The following MAN2A1 variants were observed in gnomAD, a reference collection of about 807,000 sequenced individuals.
MAN2A1 encodes the protein alpha-mannosidase 2.
MAN2A1 carries 76 observed loss-of-function variants against 142.6 expected under a neutral mutation model. The observed-to-expected ratio is 0.53, with a 90% CI of 0.44 to 0.65. The LOEUF (loss-of-function observed/expected upper bound fraction) is 0.65. Ranked by LOEUF, MAN2A1 falls within the 30% of genes least tolerant of loss-of-function variation. The pLI, the probability that MAN2A1 is intolerant of heterozygous loss-of-function variation, is 0.00. For synonymous variants in MAN2A1, 559 were observed against 473.2 expected (o/e 1.18, Z -2.35); for missense variants, 1,311 against 1,365.1 (o/e 0.96, Z 0.62).
chr5:109,706,710 G>A (rs1751143705), intron 1 of MAN2A1, among the ~76,000 whole-genome samples: 1 of 151,942 alleles, frequency 6.6e-6, no homozygotes, highest in South Asian at 2.1e-4. Flanking sequence ...AACTTGATGT[G>A]TTGGAGTGAT....
intron 4 of MAN2A1, among the ~76,000 whole-genome samples, chr5:109,739,539 T>C (rs11746187): frequency 0.085 from 12,877 of 152,252 alleles, 638 homozygotes; most frequent in African/African-American, 0.15. Flanking sequence ...TTGAGTCTTT[T>C]CTGGCTTTGA....
intron 1 of MAN2A1, among the ~76,000 whole-genome samples, chr5:109,692,663 A>G (rs1199929962): frequency 6.6e-6 from 1 of 152,162 alleles, no homozygotes; most frequent in East Asian, 1.9e-4. Flanking sequence ...CCTCTTAGGA[A>G]TCTGTTGCCT....
chr5:109,716,318 A>G, intron 3 of MAN2A1, 54 bp downstream of exon 3: 2 of 1,485,952 alleles, frequency 1.3e-6, no homozygotes, highest in South Asian at 2.6e-5. Flanking sequence ...TTAGGCCTAG[A>G]GTCTTTTAAT....
At chr5:109,734,111 A>T (rs1752009590) in intron 4 of MAN2A1, among the ~76,000 whole-genome samples, 1 of 152,004 alleles carries the variant, frequency 6.6e-6, no homozygotes, top group South Asian at 2.1e-4. Context: ...GTGTCCAGGA[A>T]TTTATCCATT....
chr5:109,779,683 A>G (rs1333366367), intron 8 of MAN2A1, among the ~76,000 whole-genome samples: 1 of 152,088 alleles, frequency 6.6e-6, no homozygotes, highest in Non-Finnish European at 1.5e-5. Flanking sequence ...AAATTGCTTA[A>G]AGTACTTTAT....
intron 6 of MAN2A1, among the ~76,000 whole-genome samples, chr5:109,768,197 C>T (rs1203093720): frequency 6.6e-6 from 1 of 151,866 alleles, no homozygotes; most frequent in Non-Finnish European, 1.5e-5. Flanking sequence ...TGTGGCCACG[C>T]AGGCATTCTA....
chr5:109,819,247 G>T (rs1212758888), intron 13 of MAN2A1, among the ~76,000 whole-genome samples: 1 of 152,002 alleles, frequency 6.6e-6, no homozygotes, highest in Non-Finnish European at 1.5e-5. Context: ...GCTAAGCTAT[G>T]ATTTTGGATA....
chr5:109,809,405 C>T (rs912436915), intron 12 of MAN2A1, among the ~76,000 whole-genome samples: 2 of 152,014 alleles, frequency 1.3e-5, no homozygotes, highest in African/African-American at 2.4e-5. Context: ...TTTCTTTCTG[C>T]CTGAAGACTT....
At chr5:109,780,251 G>A (rs1236527224) in intron 8 of MAN2A1, among the ~76,000 whole-genome samples, 3 of 151,792 alleles carry the variant, frequency 2.0e-5, no homozygotes, top group South Asian at 2.1e-4. Context: ...TAGTAGAGAC[G>A]GGGTTTACTG....
chr5:109,774,536 A>AT (rs1181579092), intron 7 of MAN2A1, among the ~76,000 whole-genome samples: 2 of 152,134 alleles, frequency 1.3e-5, no homozygotes, highest in African/African-American at 4.8e-5. Flanking sequence ...AAGATAATCC[A>AT]TTGGAAACCT....
intron 12 of MAN2A1, among the ~76,000 whole-genome samples, chr5:109,801,722 T>G (rs1754037251): frequency 6.6e-6 from 1 of 152,178 alleles, no homozygotes; most frequent in African/African-American, 2.4e-5. Flanking sequence ...CAGTAATGGT[T>G]GTTAGAAATG....
chr5:109,729,773 AC>A (rs765591442), intron 4 of MAN2A1, among the ~76,000 whole-genome samples: 10 of 152,158 alleles, frequency 6.6e-5, no homozygotes, highest in Non-Finnish European at 1.3e-4. Flanking sequence ...TGGGCGGATC[AC>A]CTGAGGGCAG....
At chr5:109,864,857 G>A in intron 20 of MAN2A1, 179 bp from the exon 21 acceptor site, 7 of 603,946 alleles carry the variant, frequency 1.2e-5, no homozygotes, top group Non-Finnish European at 2.1e-5. Flanking sequence ...GTACAAGTAG[G>A]AGAGAATGGT....
chr5:109,811,717 C>G (rs560726836), intron 12 of MAN2A1, among the ~76,000 whole-genome samples: 1 of 152,000 alleles, frequency 6.6e-6, no homozygotes, highest in South Asian at 2.1e-4. Flanking sequence ...GTTTCTGTGC[C>G]TCTCCCTCCT....
At chr5:109,848,588 A>G (rs545713282) in intron 19 of MAN2A1, among the ~76,000 whole-genome samples, 107 of 152,110 alleles carry the variant, frequency 7.0e-4, no homozygotes, top group African/African-American at 2.3e-3. Flanking sequence ...CTCCTGTTAC[A>G]TTTAAAAGAC....
chr5:109,768,855 T>G (rs1020961473), intron 6 of MAN2A1, among the ~76,000 whole-genome samples: 2 of 152,180 alleles, frequency 1.3e-5, no homozygotes, highest in African/African-American at 4.8e-5. Flanking sequence ...ACAAAGAATT[T>G]GAAGAAGCCC....
chr5:109,800,088 CAA>C (rs3065546), intron 12 of MAN2A1, among the ~76,000 whole-genome samples: 60,028 of 123,972 alleles, frequency 0.48, 13,840 homozygotes, highest in African/African-American at 0.68. Context: ...ACTGTTGTCT[CAA>C]AAAAAAAAAA....
chr5:109,799,876 T>C (rs1753969796), intron 12 of MAN2A1, among the ~76,000 whole-genome samples: 2 of 151,610 alleles, frequency 1.3e-5, no homozygotes, highest in Admixed American at 1.3e-4. Flanking sequence ...TCCCCTGAGG[T>C]CAGGAGTTTG....
rs145375059 is a variant in MAN2A1, at chr5:109,759,722, G to A, written c.835+4266G>A. Among the ~76,000 whole-genome samples the A allele has an allele frequency of 1.7e-4, 26 of 152,180 alleles. No homozygotes were observed. In the East Asian group the frequency reaches 3.3e-3, roughly 19 times the overall value. On this transcript the variant is annotated intron_variant, in intron 5 of 21. Transcript: ENST00000261483. ...TGCTATTTTATATTCCACCAACAAC[G>A]AATTAGAGTTCTGATTGTTCCACAT...
Sources: allele counts gnomAD v4.1 joint callset (sites outside exome capture counted in the v4.1 genomes callset), GRCh38; gene constraint gnomAD v4.1.1; transcripts MANE v1.5; gene names NCBI Gene and HGNC (gene_info 2026-07-23, HGNC 2026-07-21).